The following DPP6 variants were observed in gnomAD, a reference collection of about 807,000 sequenced individuals.
DPP6 encodes dipeptidyl peptidase like 6.
Under a neutral mutation model 122.6 loss-of-function variants are expected in DPP6, and 69 were observed. The observed-to-expected ratio is 0.56, with a 90% CI of 0.46 to 0.69. The LOEUF is 0.69. Among genes scored for constraint, DPP6 ranks in the 30% least tolerant of loss-of-function variants. DPP6 has a pLI of 0.00. For missense variants in DPP6, 928 were observed against 1,116.9 expected (o/e 0.83, Z 2.41); for synonymous variants, 418 against 433.1 (o/e 0.97, Z 0.43).
At chr7:154,339,125 T>G (rs936097670) in intron 1 of DPP6, among the ~76,000 whole-genome samples, 1 of 152,216 alleles carries the variant, frequency 6.6e-6, no homozygotes, top group African/African-American at 2.4e-5. Context: ...TGGTGGTCAC[T>G]GCATGTAATC....
chr7:154,295,550 G>A (rs1447180193), intron 1 of DPP6, among the ~76,000 whole-genome samples: 1 of 152,164 alleles, frequency 6.6e-6, no homozygotes, highest in East Asian at 1.9e-4. Context: ...TGAGGGAACA[G>A]ATTTAGAGAC....
At chr7:154,074,157 A>T (rs2150515402) in intron 1 of DPP6, among the ~76,000 whole-genome samples, 1 of 151,108 alleles carries the variant, frequency 6.6e-6, no homozygotes, top group South Asian at 2.2e-4. Flanking sequence ...ATGTATATAG[A>T]TATGTAGCTA....
At chr7:154,555,461 T>A (rs1829953110) in intron 4 of DPP6, among the ~76,000 whole-genome samples, 1 of 151,698 alleles carries the variant, frequency 6.6e-6, no homozygotes, top group Admixed American at 6.6e-5. Flanking sequence ...CACCGGCGAC[T>A]GTTGTGGGGT....
chr7:154,530,804 T>C (rs1303079373), intron 3 of DPP6, among the ~76,000 whole-genome samples: 1 of 152,164 alleles, frequency 6.6e-6, no homozygotes, highest in Non-Finnish European at 1.5e-5. Flanking sequence ...TGGAATACTA[T>C]ACTATGCAGC....
chr7:154,801,567 G>A (rs1414405795), intron 13 of DPP6, 105 bp downstream of exon 13: 5 of 1,420,810 alleles, frequency 3.5e-6, no homozygotes, highest in African/African-American at 2.9e-5. Flanking sequence ...AGGACCCCAA[G>A]GAATCTGAAG....
intron 5 of DPP6, among the ~76,000 whole-genome samples, chr7:154,631,916 G>A (rs909963292): frequency 1.3e-5 from 2 of 152,106 alleles, no homozygotes; most frequent in African/African-American, 2.4e-5. Flanking sequence ...AACGTCAGCC[G>A]GATTCAATTT....
At chr7:154,210,361 CTG>C (rs1427363485) in intron 1 of DPP6, among the ~76,000 whole-genome samples, 3 of 152,202 alleles carry the variant, frequency 2.0e-5, no homozygotes, top group African/African-American at 7.2e-5. Flanking sequence ...TCATCCAACA[CTG>C]TGTTAGTGAG....
chr7:154,153,735 T>C (rs1324157687), intron 1 of DPP6, among the ~76,000 whole-genome samples: 1 of 152,270 alleles, frequency 6.6e-6, no homozygotes, highest in Non-Finnish European at 1.5e-5. Context: ...TATCAACTAC[T>C]CAACTCTCCT....
At chr7:154,285,093 T>C (rs780149974) in intron 1 of DPP6, among the ~76,000 whole-genome samples, 1 of 152,208 alleles carries the variant, frequency 6.6e-6, no homozygotes, top group Non-Finnish European at 1.5e-5. Context: ...TTGGCAATGG[T>C]TGCACAATAT....
chr7:154,153,413 C>A (rs1166007570), intron 1 of DPP6, among the ~76,000 whole-genome samples: 1 of 152,210 alleles, frequency 6.6e-6, no homozygotes, highest in Non-Finnish European at 1.5e-5. Context: ...TCTCAAACTC[C>A]TGATCTCAGG....
intron 7 of DPP6, among the ~76,000 whole-genome samples, chr7:154,717,650 T>C (rs1841566103): frequency 6.6e-6 from 1 of 152,230 alleles, no homozygotes; most frequent in Non-Finnish European, 1.5e-5. Flanking sequence ...CATCCATCGA[T>C]GGACACTTGG....
chr7:154,275,610 T>C (rs1324070013), intron 1 of DPP6, among the ~76,000 whole-genome samples: 3 of 152,198 alleles, frequency 2.0e-5, no homozygotes, highest in Non-Finnish European at 4.4e-5. Flanking sequence ...CTTTAAAAAT[T>C]GAAGAAATTC....
At chr7:154,387,518 G>A (rs1814222370) in intron 1 of DPP6, among the ~76,000 whole-genome samples, 1 of 152,224 alleles carries the variant, frequency 6.6e-6, no homozygotes. Flanking sequence ...CCCAGGCCAT[G>A]GACATAGCAT....
intron 5 of DPP6, among the ~76,000 whole-genome samples, chr7:154,575,158 G>A (rs1311238135): frequency 7.2e-6 from 1 of 139,518 alleles, no homozygotes. Flanking sequence ...TGTGTGGTCT[G>A]TGTGTATGTG....
At position 154,309,371 on chromosome 7, in the gene DPP6, T is replaced by TTAACTGA. The variant is rs147226906; in HGVS notation, c.244-136838_244-136837insGATAACT. Among the ~76,000 whole-genome samples, 939 of 152,292 alleles carry TTAACTGA rather than the reference T, an allele frequency of 6.2e-3. 13 individuals carry two copies. The highest frequency in any genetic ancestry group is 0.021 in the African/African-American group (880 of 41,552). ...AAATTATGAGCCCCAGGACCTAGTA[T>TTAACTGA]TAACTTAAATTTGGTGTCTGAACAT... On this transcript the variant is annotated intron_variant, in intron 1 of 25. Transcript: ENST00000377770.
the DPP6 span, among the ~76,000 whole-genome samples, chr7:153,785,401 T>G: frequency 6.6e-6 from 1 of 152,174 alleles, no homozygotes; most frequent in Non-Finnish European, 1.5e-5. Flanking sequence ...CCAATACACA[T>G]TTGTTGACTG....
At chr7:154,496,506 T>A (rs1824751899) in intron 3 of DPP6, among the ~76,000 whole-genome samples, 2 of 152,204 alleles carry the variant, frequency 1.3e-5, no homozygotes, top group African/African-American at 4.8e-5. Context: ...TACTCCTCAA[T>A]GGCAAATGTT....
In DPP6 at chr7:154,885,711, G is replaced by A. The variant is rs1806092453; in HGVS notation, c.2212G>A (p.Ala738Thr). 1.9e-6 allele frequency: 3 copies of A among 1,598,714 alleles called. No homozygotes were observed. Among genetic ancestry groups the A allele is most frequent in the Non-Finnish European group, 1.7e-6 (2 of 1,172,794 alleles). ...AGGCCAGACATTCACCTGCGGCTCT[G>A]CTCTCTCTCCAATAACAGACTTCAA... ...NQGQTFTCGS[A>T]LSPITDFKLY... is the part of the protein sequence containing the mutation. Residue 738 changes from alanine to threonine, a missense_variant, in exon 22 of 26, where the codon GCT becomes ACT. Coordinates refer to ENST00000377770, the MANE Select transcript of DPP6 (RefSeq NM_130797.4).
intron 1 of DPP6, among the ~76,000 whole-genome samples, chr7:153,981,661 G>A (rs1364686907): frequency 6.6e-6 from 1 of 152,172 alleles, no homozygotes; most frequent in Admixed American, 6.5e-5. Flanking sequence ...ATTTTGGTAT[G>A]TTTTTGCAGT....
Sources: allele counts gnomAD v4.1 joint callset (sites outside exome capture counted in the v4.1 genomes callset), GRCh38; gene constraint gnomAD v4.1.1; transcripts MANE v1.5; gene names NCBI Gene and HGNC (gene_info 2026-07-23, HGNC 2026-07-21).